IL1RAPL1: variants seen among roughly 807,000 people sequenced by gnomAD.
IL1RAPL1 encodes the protein interleukin 1 receptor accessory protein like 1.
IL1RAPL1 carries 3 observed loss-of-function variants against 48.4 expected under a neutral mutation model. The observed-to-expected ratio is 0.06, with a 90% confidence interval of 0.03 to 0.16. The LOEUF is 0.16. Among genes scored for constraint, IL1RAPL1 ranks in the 10% least tolerant of loss-of-function variants. The pLI is 1.00. For synonymous variants in IL1RAPL1, 185 were observed against 187.7 expected (o/e 0.99, Z 0.12); for missense variants, 349 against 530.6 (o/e 0.66, Z 3.36).
chrX:29,584,033 C>T (rs898787975), intron 5 of IL1RAPL1, among the ~76,000 whole-genome samples: 1 of 111,380 alleles, frequency 9.0e-6, no homozygotes, highest in Non-Finnish European at 1.9e-5. Context: ...TGGCACTGGT[C>T]CCTTGCTTAC....
intron 2 of IL1RAPL1, among the ~76,000 whole-genome samples, chrX:29,124,556 C>T (rs7065117): frequency 0.19 from 20,623 of 111,281 alleles, 1,797 homozygotes; most frequent in East Asian, 0.43. Context: ...AACAAGAAGT[C>T]TTGGTGAAAA....
intron 5 of IL1RAPL1, among the ~76,000 whole-genome samples, chrX:29,537,048 C>T (rs1921258568): frequency 9.1e-6 from 1 of 110,288 alleles, no homozygotes; most frequent in African/African-American, 3.3e-5. Flanking sequence ...CATATAATTT[C>T]CTTAAAACTG....
chrX:29,020,953 C>T (rs1359221745), intron 2 of IL1RAPL1, among the ~76,000 whole-genome samples: 3 of 111,026 alleles, frequency 2.7e-5, no homozygotes, highest in East Asian at 2.8e-4. Flanking sequence ...GGGCCAGGTG[C>T]GGTGGCTCAC....
chrX:29,255,512 T>TA (rs1931742251), intron 2 of IL1RAPL1, among the ~76,000 whole-genome samples: 1 of 110,884 alleles, frequency 9.0e-6, no homozygotes, highest in Non-Finnish European at 1.9e-5. Flanking sequence ...TACATGGGCA[T>TA]ATTGCATGAT....
chrX:29,363,776 C>A, intron 3 of IL1RAPL1, among the ~76,000 whole-genome samples: 1 of 110,557 alleles, frequency 9.0e-6, no homozygotes, highest in Non-Finnish European at 1.9e-5. Context: ...GACCAGATCT[C>A]GTGAGAACTC....
intron 6 of IL1RAPL1, among the ~76,000 whole-genome samples, chrX:29,850,633 C>G (rs1286569697): frequency 8.9e-6 from 1 of 112,486 alleles, no homozygotes; most frequent in African/African-American, 3.2e-5. Context: ...GGCAGGAATA[C>G]ATTGCCTTCC....
intron 2 of IL1RAPL1, among the ~76,000 whole-genome samples, chrX:28,917,975 C>A (rs959424756): frequency 3.6e-5 from 4 of 112,024 alleles, no homozygotes; most frequent in Non-Finnish European, 7.5e-5. Flanking sequence ...TATGAGGTTA[C>A]TTTTTAAATG....
Position 28,587,569 on chromosome X carries a change from A to G in IL1RAPL1, c.-503A>G. 9.0e-6 allele frequency: 1 copy of G among 110,916 alleles called. No individual in the cohort carries two copies. The highest frequency in any genetic ancestry group is 1.9e-5 in the Non-Finnish European group (1 of 52,983). The allele number at this position is 110,916 out of a possible 1,213,427, so 9.1% of individuals were successfully genotyped here. On this transcript the variant is annotated 5_prime_UTR_variant, in exon 1 of 11. Transcript: ENST00000378993. ...TACTTGGGGACCAGGAGGATTTGAA[A>G]GGCTGCATGTACTCAGAAGATTTGC...
At chrX:28,938,313 A>T (rs1924070601) in intron 2 of IL1RAPL1, among the ~76,000 whole-genome samples, 1 of 111,465 alleles carries the variant, frequency 9.0e-6, no homozygotes, top group Non-Finnish European at 1.9e-5. Context: ...TGGTACAAAA[A>T]CAGGCACATA....
chrX:29,835,697 G>A (rs1283378801), intron 6 of IL1RAPL1, among the ~76,000 whole-genome samples: 5 of 110,700 alleles, frequency 4.5e-5, no homozygotes, highest in Non-Finnish European at 9.5e-5. Flanking sequence ...CTTATTATTG[G>A]TCAGTTTAGG....
chrX:28,685,465 G>A (rs940680357), intron 1 of IL1RAPL1, among the ~76,000 whole-genome samples: 4 of 112,246 alleles, frequency 3.6e-5, no homozygotes, highest in Non-Finnish European at 7.5e-5. Flanking sequence ...ATGGAACCAG[G>A]TTGAGTTTAA....
At chrX:29,189,446 C>G (rs769845621) in intron 2 of IL1RAPL1, among the ~76,000 whole-genome samples, 1 of 111,095 alleles carries the variant, frequency 9.0e-6, no homozygotes, top group South Asian at 3.8e-4. Context: ...CCCTCTTTTT[C>G]CTAGTTTTTC....
chrX:29,742,420 A>T (rs1300953017), intron 6 of IL1RAPL1, among the ~76,000 whole-genome samples: 1 of 110,928 alleles, frequency 9.0e-6, no homozygotes, highest in Non-Finnish European at 1.9e-5. Flanking sequence ...CCAAACCATG[A>T]TGTAAATGGA....
intron 6 of IL1RAPL1, among the ~76,000 whole-genome samples, chrX:29,808,677 A>G (rs1397738411): frequency 1.8e-5 from 2 of 111,605 alleles, no homozygotes; most frequent in African/African-American, 6.5e-5. Flanking sequence ...ATTTCTCTTC[A>G]TATTCTGTCA....
At chrX:29,335,657 C>T (rs768021146) in intron 3 of IL1RAPL1, among the ~76,000 whole-genome samples, 23 of 110,600 alleles carry the variant, frequency 2.1e-4, no homozygotes, top group South Asian at 1.2e-3. Flanking sequence ...ATGTTAGAAC[C>T]GCAGCTTATT....
At chrX:28,720,602 T>C (rs756778469) in intron 1 of IL1RAPL1, among the ~76,000 whole-genome samples, 3 of 111,352 alleles carry the variant, frequency 2.7e-5, no homozygotes, top group East Asian at 2.8e-4. Context: ...AAATGACTGA[T>C]TTTTTTTTAT....
At chrX:29,248,823 C>G (rs1461035084) in intron 2 of IL1RAPL1, among the ~76,000 whole-genome samples, 2 of 111,624 alleles carry the variant, frequency 1.8e-5, no homozygotes, top group Non-Finnish European at 3.8e-5. Context: ...TCATTCATGC[C>G]ATCTCATGCT....
chrX:28,912,507 A>G (rs139302291), intron 2 of IL1RAPL1, among the ~76,000 whole-genome samples: 1,120 of 111,050 alleles, frequency 0.01, 19 homozygotes, highest in African/African-American at 0.034. Context: ...AAATATGTGT[A>G]TATATACACA....
rs992019467 is a variant in IL1RAPL1, at chrX:28,961,207, G to T, written c.82+171782G>T. ...TTGTACATCCTCATTTGATACTGTT[G>T]TTGCTCTGATAGGGACCACATAGCA... On this transcript the variant is annotated intron_variant, in intron 2 of 10. Coordinates refer to ENST00000378993, the MANE Select transcript of IL1RAPL1 (RefSeq NM_014271.4). Among the ~76,000 whole-genome samples, 16 of 110,641 alleles carry T rather than the reference G, an allele frequency of 1.4e-4. No homozygotes were observed. The Admixed American group carries it at 1.5e-3, about 11-fold the overall frequency.
Sources: gnomAD v4.1 joint callset for allele counts (sites outside exome capture counted in the v4.1 genomes callset) on GRCh38, gnomAD v4.1.1 for gene constraint, MANE v1.5 for transcripts, NCBI Gene and HGNC (gene_info 2026-07-23, HGNC 2026-07-21) for gene names.